Variants in IGBP1C observed in about 807,000 individuals in gnomAD.
The protein encoded by IGBP1C is IGBP1 family member C.
the IGBP1C span, among the ~76,000 whole-genome samples, chr17:58,670,046 G>A: frequency 6.6e-6 from 1 of 152,166 alleles, no homozygotes; most frequent in African/African-American, 2.4e-5. Flanking sequence ...CAGCCTCAGA[G>A]CCTTTGCCTG....
At chr17:58,687,376 T>C in the IGBP1C span, among the ~76,000 whole-genome samples, 1 of 152,112 alleles carries the variant, frequency 6.6e-6, no homozygotes, top group Non-Finnish European at 1.5e-5. Context: ...TTCTTCCAAA[T>C]ATACTCTTTT....
the IGBP1C span, among the ~76,000 whole-genome samples, chr17:58,664,061 C>T: frequency 6.6e-6 from 1 of 152,168 alleles, no homozygotes; most frequent in South Asian, 2.1e-4. Flanking sequence ...AAAAAAACAA[C>T]AGCAAAAACC....
chr17:58,691,051 C>T, the IGBP1C span, among the ~76,000 whole-genome samples: 3 of 151,942 alleles, frequency 2.0e-5, no homozygotes, highest in South Asian at 2.1e-4. Flanking sequence ...GACAGTGTTT[C>T]GCCATGTTGT....
the IGBP1C span, among the ~76,000 whole-genome samples, chr17:58,673,058 T>TA: frequency 6.6e-6 from 1 of 151,798 alleles, no homozygotes; most frequent in African/African-American, 2.4e-5. Flanking sequence ...ATACTTTTTT[T>TA]AAAAAAAATT....
At chr17:58,689,754 A>G in the IGBP1C span, among the ~76,000 whole-genome samples, 788 of 152,204 alleles carry the variant, frequency 5.2e-3, 16 homozygotes, top group Non-Finnish European at 2.9e-3. Context: ...AAAAACCTGG[A>G]TCCCAGTTTG....
the IGBP1C span, among the ~76,000 whole-genome samples, chr17:58,691,535 C>T: frequency 1.3e-5 from 2 of 151,834 alleles, no homozygotes; most frequent in Non-Finnish European, 2.9e-5. Context: ...GGCATGGTGG[C>T]GTGCGCCTGT....
chr17:58,674,655 G>A, the IGBP1C span, among the ~76,000 whole-genome samples: 36,421 of 151,982 alleles, frequency 0.24, 5,278 homozygotes, highest in Middle Eastern at 0.41. Flanking sequence ...GGGTGACAGA[G>A]TGAGAATCCA....
the IGBP1C span, among the ~76,000 whole-genome samples, chr17:58,686,943 A>G: frequency 7.9e-6 from 1 of 126,756 alleles, no homozygotes; most frequent in Non-Finnish European, 1.6e-5. Flanking sequence ...GAGGGATCTC[A>G]GCTCACAGCA....
At chr17:58,660,579 A>C in the IGBP1C span, 2 of 794,128 alleles carry the variant, frequency 2.5e-6, no homozygotes, top group Non-Finnish European at 4.6e-6. Flanking sequence ...TGGGAAGATT[A>C]GCCCATGTTC....
the IGBP1C span, chr17:58,660,592 T>A: frequency 3.8e-6 from 3 of 796,470 alleles, no homozygotes; most frequent in Non-Finnish European, 4.6e-6. Flanking sequence ...CCATGTTCTG[T>A]CGGTTGCCGT....
At chr17:58,667,657 G>T in the IGBP1C span, among the ~76,000 whole-genome samples, 1 of 152,168 alleles carries the variant, frequency 6.6e-6, no homozygotes, top group African/African-American at 2.4e-5. Flanking sequence ...GGCTGAGGTG[G>T]GCGAATCACT....
the IGBP1C span, among the ~76,000 whole-genome samples, chr17:58,683,823 T>C: frequency 1.3e-5 from 2 of 150,612 alleles, no homozygotes; most frequent in South Asian, 2.1e-4. Flanking sequence ...TCCCAGCACT[T>C]TGGGAGGCTG....
At chr17:58,670,771 T>TCAAAAAAAA in the IGBP1C span, among the ~76,000 whole-genome samples, 9 of 7,954 alleles carry the variant, frequency 1.1e-3, 4 homozygotes, top group South Asian at 0.024. Flanking sequence ...AGACTCCCTC[T>TCAAAAAAAA]TAAAAAAAAA....
chr17:58,683,124 G>A, the IGBP1C span, among the ~76,000 whole-genome samples: 1 of 150,888 alleles, frequency 6.6e-6, no homozygotes, highest in African/African-American at 2.4e-5. Flanking sequence ...TGTAATCCCA[G>A]CAGTTTGGGA....
At chr17:58,683,530 A>G in the IGBP1C span, among the ~76,000 whole-genome samples, 1 of 152,108 alleles carries the variant, frequency 6.6e-6, no homozygotes, top group African/African-American at 2.4e-5. Context: ...TGGGAGGCTG[A>G]GGCAGGCGGA....
the IGBP1C span, among the ~76,000 whole-genome samples, chr17:58,666,873 C>A: frequency 6.6e-6 from 1 of 152,162 alleles, no homozygotes; most frequent in African/African-American, 2.4e-5. Context: ...CCAAGGAACG[C>A]GTTTCCAAAA....
the IGBP1C span, among the ~76,000 whole-genome samples, chr17:58,662,603 C>T: frequency 1.4e-4 from 22 of 152,208 alleles, no homozygotes; most frequent in African/African-American, 5.1e-4. Flanking sequence ...CTATTAATCT[C>T]AGATCATGGC....
the IGBP1C span, among the ~76,000 whole-genome samples, chr17:58,678,018 C>T: frequency 6.6e-6 from 1 of 152,244 alleles, no homozygotes; most frequent in South Asian, 2.1e-4. Context: ...GGCATGGTGG[C>T]GGGTGCCTGT....
chr17:58,664,051 A>G, the IGBP1C span, among the ~76,000 whole-genome samples: 1 of 152,162 alleles, frequency 6.6e-6, no homozygotes. Context: ...CAGCAACAAC[A>G]AAAAAACAAC....
Sources: gnomAD v4.1 joint callset for allele counts (sites outside exome capture counted in the v4.1 genomes callset) on GRCh38, gnomAD v4.1.1 for gene constraint, MANE v1.5 for transcripts, NCBI Gene and HGNC (gene_info 2026-07-23, HGNC 2026-07-21) for gene names.